RBFOX1: variants seen among roughly 807,000 people sequenced by gnomAD.
RBFOX1 encodes RNA binding protein fox-1 homolog 1.
RBFOX1 carries 8 observed loss-of-function variants against 57.7 expected under a neutral mutation model. The observed-to-expected ratio is 0.14, with a 90% CI of 0.08 to 0.25. RBFOX1 has a LOEUF of 0.25. Among genes scored for constraint, RBFOX1 ranks in the 10% least tolerant of loss-of-function variants. The pLI is 1.00. For missense variants in RBFOX1, 611 were observed against 548.5 expected, an observed-to-expected ratio of 1.11 and a Z score of -1.14; for synonymous variants, 326 against 222.4, an observed-to-expected ratio of 1.47 and a Z score of -4.15.
intron 3 of RBFOX1, among the ~76,000 whole-genome samples, chr16:6,778,186 A>G (rs2079713959): frequency 6.6e-6 from 1 of 152,174 alleles, no homozygotes; most frequent in African/African-American, 2.4e-5. Flanking sequence ...ACAATCGATT[A>G]AAACAATTCA....
intron 3 of RBFOX1, among the ~76,000 whole-genome samples, chr16:5,833,494 C>CAAAAAA (rs1183168830): frequency 1.2e-4 from 7 of 59,504 alleles, no homozygotes; most frequent in East Asian, 5.2e-4. Context: ...GACTCTATCT[C>CAAAAAA]AAAAAAAAAA....
rs907830922 is a variant in RBFOX1 at position 6,394,907 on chromosome 16, C to T, written c.-64+77850C>T. Among the ~76,000 whole-genome samples, 7 of 152,130 alleles carry T rather than the reference C, an allele frequency of 4.6e-5. No homozygotes were observed. The South Asian group carries it at 6.2e-4, about 14-fold the overall frequency. ...TGGTGAGAAAACTAGCACTATTAAG[C>T]GTGTTACTGTTTAAAACCACTTTTG... On this transcript the variant is annotated intron_variant, in intron 2 of 15. Transcript: ENST00000550418.
intron 1 of RBFOX1, among the ~76,000 whole-genome samples, chr16:6,301,959 C>G (rs755477733): frequency 6.6e-6 from 1 of 152,014 alleles, no homozygotes; most frequent in African/African-American, 2.4e-5. Context: ...CTGTAAATGC[C>G]CCAATATCAA....
chr16:5,561,605 A>G (rs1403379490), intron 2 of RBFOX1, among the ~76,000 whole-genome samples: 5 of 152,182 alleles, frequency 3.3e-5, no homozygotes, highest in African/African-American at 1.2e-4. Flanking sequence ...GGTTTTAAAT[A>G]CATTTCCAAT....
At chr16:5,715,224 A>T (rs1032838063) in intron 3 of RBFOX1, among the ~76,000 whole-genome samples, 4 of 152,164 alleles carry the variant, frequency 2.6e-5, no homozygotes, top group African/African-American at 9.7e-5. Context: ...CAACCCTATA[A>T]ATCAGGTCTG....
At chr16:6,680,148 G>A (rs562773400) in intron 3 of RBFOX1, among the ~76,000 whole-genome samples, 1 of 151,972 alleles carries the variant, frequency 6.6e-6, no homozygotes, top group Non-Finnish European at 1.5e-5. Context: ...ACATAGGGTT[G>A]TGTTTGGGAA....
intron 2 of RBFOX1, among the ~76,000 whole-genome samples, chr16:6,549,101 CG>C (rs1219368389): frequency 1.4e-5 from 1 of 72,600 alleles, no homozygotes; most frequent in African/African-American, 5.6e-5. Flanking sequence ...GAAGAGGAGG[CG>C]GGGAGGAAAG....
chr16:7,692,167 A>T (rs1598231426), intron 14 of RBFOX1, among the ~76,000 whole-genome samples: 1 of 152,274 alleles, frequency 6.6e-6, no homozygotes, highest in East Asian at 1.9e-4. Flanking sequence ...TTATTGTCTT[A>T]AGGAAAGTGA....
chr16:5,590,186 A>G (rs1209051219), intron 2 of RBFOX1, among the ~76,000 whole-genome samples: 3 of 152,156 alleles, frequency 2.0e-5, no homozygotes, highest in East Asian at 1.9e-4. Flanking sequence ...GTCTGAAACG[A>G]TTTACATGGT....
chr16:6,533,719 C>A (rs556942352), intron 2 of RBFOX1, among the ~76,000 whole-genome samples: 1 of 152,030 alleles, frequency 6.6e-6, no homozygotes, highest in Non-Finnish European at 1.5e-5. Context: ...ATCGTAGACA[C>A]AAATTAACTG....
intron 3 of RBFOX1, among the ~76,000 whole-genome samples, chr16:6,917,548 C>A (rs1208408833): frequency 6.6e-6 from 1 of 152,182 alleles, no homozygotes; most frequent in Admixed American, 6.5e-5. Context: ...TAACAATGTT[C>A]ATTTTTCTAA....
intron 3 of RBFOX1, among the ~76,000 whole-genome samples, chr16:6,885,192 G>C (rs1248617338): frequency 1.3e-5 from 2 of 152,266 alleles, no homozygotes; most frequent in East Asian, 3.9e-4. Flanking sequence ...CCCAATGACT[G>C]AGCCATCACT....
intron 5 of RBFOX1, among the ~76,000 whole-genome samples, chr16:7,533,239 T>C (rs13332745): frequency 0.015 from 2,274 of 152,338 alleles, 61 homozygotes; most frequent in African/African-American, 0.053. Context: ...ACTGATGAAT[T>C]ACATTTTAAA....
At chr16:7,491,159 C>T (rs1408203131) in intron 4 of RBFOX1, among the ~76,000 whole-genome samples, 4 of 152,082 alleles carry the variant, frequency 2.6e-5, no homozygotes, top group African/African-American at 7.2e-5. Flanking sequence ...TCATGAGATT[C>T]GCTCTGAAGC....
chr16:6,817,607 G>A (rs539410851), intron 3 of RBFOX1, among the ~76,000 whole-genome samples: 2 of 151,654 alleles, frequency 1.3e-5, no homozygotes, highest in African/African-American at 4.8e-5. Flanking sequence ...TCGGGAGGCT[G>A]AGGCAAGAGA....
At chr16:5,545,345 G>T (rs2045149418) in intron 2 of RBFOX1, among the ~76,000 whole-genome samples, 1 of 152,044 alleles carries the variant, frequency 6.6e-6, no homozygotes, top group East Asian at 1.9e-4. Flanking sequence ...GGAAATTGAA[G>T]AGGAAAGATT....
intron 2 of RBFOX1, among the ~76,000 whole-genome samples, chr16:6,381,084 G>T (rs1232640260): frequency 6.6e-6 from 1 of 152,138 alleles, no homozygotes; most frequent in Non-Finnish European, 1.5e-5. Context: ...AAGGGGATTT[G>T]GGAAGTTTTT....
At chr16:6,603,764 G>C (rs752061074) in intron 2 of RBFOX1, among the ~76,000 whole-genome samples, 17 of 152,138 alleles carry the variant, frequency 1.1e-4, no homozygotes, top group South Asian at 2.1e-4. Context: ...CTTAATATTA[G>C]GGTTAACATC....
rs750980234 is a variant in RBFOX1 at position 7,653,839 on chromosome 16, C to T, written c.782C>T (p.Ala261Val). The T allele has an allele frequency of 3.1e-6, 5 of 1,607,366 alleles. No homozygotes were observed. Among genetic ancestry groups the T allele is most frequent in the Non-Finnish European group, 3.4e-6 (4 of 1,179,560 alleles). ...SAMPGFPYPA[A>V]TAAAAYRGAH... ...GTGCCAGGCTTCCCGTATCCAGCAG[C>T]CACCGCCGCGGCCGCCTACCGAGGG... The change falls in exon 12 of 16, where the codon GCC (alanine) becomes GTC (valine). Residue 261 changes from alanine (A) to valine (V), a missense_variant. Transcript: ENST00000550418.
Sources: gnomAD v4.1 joint callset for allele counts (sites outside exome capture counted in the v4.1 genomes callset) on GRCh38, gnomAD v4.1.1 for gene constraint, MANE v1.5 for transcripts, NCBI Gene and HGNC (gene_info 2026-07-23, HGNC 2026-07-21) for gene names.